Variants in LRP6 observed in about 807,000 individuals in gnomAD.
The protein encoded by LRP6 is LDL receptor related protein 6.
In LRP6, 43 loss-of-function variants were observed where a neutral mutation model predicts 184.1. That is an observed-to-expected ratio of 0.23 (90% confidence interval 0.18 to 0.30). The LOEUF (loss-of-function observed/expected upper bound fraction) is 0.30. LRP6 is among the 10% of genes least tolerant of loss of function. LRP6 has a pLI of 1.00. For missense variants in LRP6, 1,571 were observed against 2,005.3 expected, an observed-to-expected ratio of 0.78 and a Z score of 4.14; for synonymous variants, 719 against 684.9, an observed-to-expected ratio of 1.05 and a Z score of -0.78.
At chr12:12,182,544 T>C (rs1471473981) in intron 5 of LRP6, among the ~76,000 whole-genome samples, 3 of 152,096 alleles carry the variant, frequency 2.0e-5, no homozygotes, top group African/African-American at 4.8e-5. Context: ...CCCAGCTAAA[T>C]AAATGAGTCC....
At chr12:12,227,672 G>A (rs987929143) in intron 2 of LRP6, among the ~76,000 whole-genome samples, 5 of 152,094 alleles carry the variant, frequency 3.3e-5, no homozygotes, top group African/African-American at 1.2e-4. Context: ...GCCTCCCAAA[G>A]TGCTGAGATT....
chr12:12,162,179 G>A lies in LRP6; in HGVS notation c.2279+14C>T, dbSNP rs771847411. On this transcript the variant is annotated intron_variant, in intron 10 of 22. Coordinates refer to ENST00000261349, the MANE Select transcript of LRP6 (RefSeq NM_002336.3). The stretch of plus-strand genomic sequence containing the variant: ...CACTGCAGTTGCAAAGAATGCACAT[G>A]TAAAGCTGTTTACCCTTCGGCAGGG... 6 of 1,606,156 alleles carry A rather than the reference G, an allele frequency of 3.7e-6. No individual in the cohort carries two copies. In the African/African-American group the frequency reaches 8.0e-5, roughly 21 times the overall value.
In LRP6 at chr12:12,138,635, AAG is replaced by A. The variant is rs1271788409; in HGVS notation, c.3398-103_3398-102del. 1.6e-4 allele frequency: 205 copies of A among 1,312,834 alleles called. 1 individual carries two copies. Among genetic ancestry groups the A allele is most frequent in the South Asian group, 5.7e-4 (45 of 78,832 alleles). 81.3% of individuals were successfully genotyped at this position (1,312,834 alleles called of 1,614,324 possible). On this transcript the variant is annotated intron_variant, in intron 15 of 22. Coordinates refer to ENST00000261349, the MANE Select transcript of LRP6 (RefSeq NM_002336.3). ...CCAGTTAGATTCTACAGGTAGAGAA[AAG>A]AAAAAAAAAACAAGATCTCTACCAC...
chr12:12,223,256 G>C (rs963692565), intron 2 of LRP6, among the ~76,000 whole-genome samples: 1 of 150,366 alleles, frequency 6.7e-6, no homozygotes. Flanking sequence ...TCATTTATCT[G>C]AGCCTCCCAG....
chr12:12,237,777 A>G (rs1864961850), intron 2 of LRP6, among the ~76,000 whole-genome samples: 1 of 152,258 alleles, frequency 6.6e-6, no homozygotes, highest in Non-Finnish European at 1.5e-5. Flanking sequence ...TATGAACAAC[A>G]AAGAAAGACT....
chr12:12,237,145 G>A (rs1254118184), intron 2 of LRP6, among the ~76,000 whole-genome samples: 1 of 152,066 alleles, frequency 6.6e-6, no homozygotes, highest in East Asian at 1.9e-4. Context: ...TCCATGTCAG[G>A]CACTGGAATC....
chr12:12,189,977 T>G (rs913540675), intron 3 of LRP6, among the ~76,000 whole-genome samples: 3 of 152,228 alleles, frequency 2.0e-5, no homozygotes, highest in Admixed American at 6.5e-5. Flanking sequence ...AAACTCTAGC[T>G]TATTTATATA....
chr12:12,134,758 T>A (rs1949809274), intron 17 of LRP6, among the ~76,000 whole-genome samples: 1 of 152,138 alleles, frequency 6.6e-6, no homozygotes, highest in Non-Finnish European at 1.5e-5. Flanking sequence ...GGGGGGAGGC[T>A]ACTTTAATAT....
At chr12:12,160,506 G>A (rs909698722) in intron 10 of LRP6, among the ~76,000 whole-genome samples, 2 of 152,086 alleles carry the variant, frequency 1.3e-5, no homozygotes, top group African/African-American at 4.8e-5. Context: ...AAATGTATTT[G>A]GTCATATGGT....
Position 12,125,320 on chromosome 12 carries a change from G to T in LRP6, c.4425C>A (p.Ser1475Arg). 6.2e-7 allele frequency: 1 copy of T among 1,614,112 alleles called. No homozygotes were observed. The highest frequency in any genetic ancestry group is 8.5e-7 in the Non-Finnish European group (1 of 1,179,990). Residue 1475 changes from serine to arginine, a missense_variant, in exon 21 of 23, where the codon AGC becomes AGA. Ser to Arg is a moderately radical substitution (Grantham distance 110, BLOSUM62 -1). Transcript: ENST00000261349. Reference sequence around the variant, plus strand: ...CTGCAGGGAAGTAAGTGCCTTTGGTGCTTGAAGAACTACTTGATGATGCTC... The same window carrying T: ...CTGCAGGGAAGTAAGTGCCTTTGGTTCTTGAAGAACTACTTGATGATGCTC... ...VTGASSSSSS[S>R]TKGTYFPAIL...
At chr12:12,147,589 G>T in intron 14 of LRP6, 33 bp from the exon 15 acceptor site, 1 of 1,508,146 alleles carries the variant, frequency 6.6e-7, no homozygotes, top group Non-Finnish European at 9.2e-7. Context: ...ATAAGTTACT[G>T]GAGTAAGAAA....
At chr12:12,194,740 C>A (rs1863708908) in intron 3 of LRP6, among the ~76,000 whole-genome samples, 1 of 152,104 alleles carries the variant, frequency 6.6e-6, no homozygotes, top group South Asian at 2.1e-4. Flanking sequence ...TGGAAACATT[C>A]AGTATCCTCT....
intron 2 of LRP6, among the ~76,000 whole-genome samples, chr12:12,223,413 T>C (rs1864540344): frequency 6.6e-6 from 1 of 152,160 alleles, no homozygotes; most frequent in East Asian, 1.9e-4. Flanking sequence ...CCGCACATAT[T>C]TAAACAATAA....
At chr12:12,183,277 G>A (rs1040515939) in intron 5 of LRP6, among the ~76,000 whole-genome samples, 2 of 152,142 alleles carry the variant, frequency 1.3e-5, no homozygotes, top group African/African-American at 4.8e-5. Flanking sequence ...CTGGTTGCTA[G>A]AGAACCAGAT....
chr12:12,265,654 T>C (rs1191557257), intron 1 of LRP6, among the ~76,000 whole-genome samples: 2 of 152,154 alleles, frequency 1.3e-5, no homozygotes, highest in East Asian at 3.8e-4. Flanking sequence ...AGCCACCGTA[T>C]CGAGCAGTAC....
intron 2 of LRP6, among the ~76,000 whole-genome samples, chr12:12,221,136 G>A (rs1477360502): frequency 6.6e-6 from 1 of 152,166 alleles, no homozygotes; most frequent in Non-Finnish European, 1.5e-5. Flanking sequence ...ATCACATCCT[G>A]ACCCTTCTTT....
chr12:12,247,899 T>C (rs1212995261), intron 1 of LRP6, among the ~76,000 whole-genome samples: 1 of 152,158 alleles, frequency 6.6e-6, no homozygotes, highest in Admixed American at 6.5e-5. Context: ...AATCCTTGTT[T>C]TCCTTTATTA....
At chr12:12,139,860 G>T (rs981208179) in intron 15 of LRP6, among the ~76,000 whole-genome samples, 1 of 152,194 alleles carries the variant, frequency 6.6e-6, no homozygotes, top group African/African-American at 2.4e-5. Context: ...CAGGGATAAT[G>T]ACACAGTAGC....
At chr12:12,165,003 T>C (rs1591904875) in intron 8 of LRP6, 76 bp downstream of exon 8, 1 of 888,380 alleles carries the variant, frequency 1.1e-6, no homozygotes, top group African/African-American at 1.8e-5. Flanking sequence ...AAAACATCAA[T>C]AATTTACACT....
Sources: allele counts gnomAD v4.1 joint callset (sites outside exome capture counted in the v4.1 genomes callset), GRCh38; gene constraint gnomAD v4.1.1; transcripts MANE v1.5; gene names NCBI Gene and HGNC (gene_info 2026-07-23, HGNC 2026-07-21).